The following CYP2C18 variants were observed in gnomAD, a reference collection of about 807,000 sequenced individuals.
The protein encoded by CYP2C18 is cytochrome P450 2C18.
Under a neutral mutation model 41.3 loss-of-function variants are expected in CYP2C18, and 38 were observed. The observed-to-expected ratio is 0.92, with a 90% confidence interval of 0.71 to 1.21. CYP2C18 has a LOEUF of 1.21. Ranked by LOEUF, CYP2C18 falls within the 50% of genes most tolerant of loss-of-function variation. The pLI, the probability that CYP2C18 is intolerant of heterozygous loss-of-function variation, is 0.00. For synonymous variants in CYP2C18, 236 were observed against 210.0 expected (o/e 1.12, Z -1.07); for missense variants, 635 against 591.4 (o/e 1.07, Z -0.77).
intron 4 of CYP2C18, among the ~76,000 whole-genome samples, chr10:94,695,895 A>G (rs1847107861): frequency 2.0e-5 from 3 of 152,170 alleles, no homozygotes; most frequent in Non-Finnish European, 4.4e-5. Context: ...ATAGCACAGC[A>G]GTCTGAGATC....
intron 7 of CYP2C18, among the ~76,000 whole-genome samples, chr10:94,727,393 T>C (rs1335038848): frequency 1.3e-5 from 2 of 152,220 alleles, no homozygotes; most frequent in Admixed American, 1.3e-4. Flanking sequence ...AGTGGAAGGA[T>C]CATTTGCACC....
chr10:94,698,079 GA>G (rs934185041), intron 4 of CYP2C18, among the ~76,000 whole-genome samples: 1 of 152,196 alleles, frequency 6.6e-6, no homozygotes, highest in African/African-American at 2.4e-5. Flanking sequence ...CAAGGAGACA[GA>G]AGGTTAACAA....
At chr10:94,684,009 C>T in intron 1 of CYP2C18, 22 bp downstream of exon 1, 2 of 1,557,872 alleles carry the variant, frequency 1.3e-6, no homozygotes, top group African/African-American at 1.4e-5. Context: ...TTATGTTCCT[C>T]CAGTAATGTA....
chr10:94,702,570 T>C (rs1564641514), intron 4 of CYP2C18, among the ~76,000 whole-genome samples: 1 of 151,960 alleles, frequency 6.6e-6, no homozygotes, highest in Non-Finnish European at 1.5e-5. Flanking sequence ...TTGTGCTTTG[T>C]TTTTCAACTC....
At chr10:94,693,026 G>A (rs1460398651) in intron 3 of CYP2C18, among the ~76,000 whole-genome samples, 1 of 152,044 alleles carries the variant, frequency 6.6e-6, no homozygotes. Flanking sequence ...GGTGGGGGAA[G>A]GGGGGAGGGA....
At chr10:94,722,454 G>A (rs1231789773) in intron 6 of CYP2C18, among the ~76,000 whole-genome samples, 1 of 152,090 alleles carries the variant, frequency 6.6e-6, no homozygotes. Flanking sequence ...TGTTAAAGTT[G>A]GAGTATAACC....
chr10:94,701,648 C>T (rs1182612050), intron 4 of CYP2C18, among the ~76,000 whole-genome samples: 5 of 152,072 alleles, frequency 3.3e-5, no homozygotes, highest in African/African-American at 1.2e-4. Flanking sequence ...AAATTCCTCT[C>T]CACCTCTACC....
chr10:94,692,973 T>C (rs1162267717), intron 3 of CYP2C18, among the ~76,000 whole-genome samples: 1 of 146,730 alleles, frequency 6.8e-6, no homozygotes, highest in East Asian at 2.0e-4. Context: ...TGAGAACACA[T>C]GGACACAGGA....
At chr10:94,713,606 G>A (rs1323579615) in intron 5 of CYP2C18, among the ~76,000 whole-genome samples, 1 of 152,150 alleles carries the variant, frequency 6.6e-6, no homozygotes, top group Non-Finnish European at 1.5e-5. Flanking sequence ...TTGGTTCCAA[G>A]TCTTTGTTAT....
chr10:94,694,655 G>C (rs1847078843), intron 3 of CYP2C18, among the ~76,000 whole-genome samples: 2 of 152,016 alleles, frequency 1.3e-5, no homozygotes, highest in Non-Finnish European at 2.9e-5. Flanking sequence ...CAGGCATCTT[G>C]GGTCAGAATT....
intron 5 of CYP2C18, among the ~76,000 whole-genome samples, chr10:94,713,633 A>G (rs1425498939): frequency 2.6e-5 from 4 of 152,228 alleles, no homozygotes; most frequent in Admixed American, 6.6e-5. Context: ...TAATGCCACA[A>G]TAAACATACG....
chr10:94,713,652 T>G (rs1260385144), intron 5 of CYP2C18, among the ~76,000 whole-genome samples: 1 of 152,234 alleles, frequency 6.6e-6, no homozygotes, highest in Non-Finnish European at 1.5e-5. Context: ...CGTGTGCATG[T>G]GTCTTTATGG....
At position 94,710,485 on chromosome 10, in the gene CYP2C18, C is replaced by T. The variant is rs75619235; in HGVS notation, c.819+3525C>T. Among the ~76,000 whole-genome samples, 1,310 of 152,268 alleles carry T rather than the reference C, an allele frequency of 8.6e-3. 23 individuals carry two copies. Among genetic ancestry groups the T allele is most frequent in the East Asian group, 0.061 (318 of 5,180 alleles). Reference sequence around the variant, plus strand: ...AATTTGGGAAGTAATGCCATTTTAACGATATTAAGTCTTCCAATAGATGAA... The same window carrying T: ...AATTTGGGAAGTAATGCCATTTTAATGATATTAAGTCTTCCAATAGATGAA... On this transcript the variant is annotated intron_variant, in intron 5 of 8. Coordinates refer to ENST00000285979, the MANE Select transcript of CYP2C18 (RefSeq NM_000772.3).
chr10:94,717,763 A>C (rs1037873066), intron 5 of CYP2C18, among the ~76,000 whole-genome samples: 1 of 152,064 alleles, frequency 6.6e-6, no homozygotes, highest in Admixed American at 6.6e-5. Context: ...AATCAATTGT[A>C]GTTGCATGGG....
chr10:94,722,010 T>C (rs1847654496), intron 6 of CYP2C18, among the ~76,000 whole-genome samples: 1 of 152,206 alleles, frequency 6.6e-6, no homozygotes, highest in Admixed American at 6.5e-5. Flanking sequence ...TCTTTTATTT[T>C]GGATAGATAC....
intron 4 of CYP2C18, among the ~76,000 whole-genome samples, chr10:94,696,554 ACT>A (rs1192519123): frequency 6.6e-6 from 1 of 152,066 alleles, no homozygotes; most frequent in Non-Finnish European, 1.5e-5. Context: ...AAAACTGGAA[ACT>A]CTAAAAATCA....
At chr10:94,713,694 C>G (rs1296426255) in intron 5 of CYP2C18, among the ~76,000 whole-genome samples, 4 of 152,198 alleles carry the variant, frequency 2.6e-5, no homozygotes, top group East Asian at 3.9e-4. Context: ...GGGTATATAC[C>G]CAGTAATGGG....
intron 7 of CYP2C18, among the ~76,000 whole-genome samples, chr10:94,725,997 C>T (rs894720227): frequency 2.0e-5 from 3 of 151,838 alleles, no homozygotes; most frequent in Non-Finnish European, 4.4e-5. Flanking sequence ...TCTTTTTGTG[C>T]TCACTTAGTT....
Position 94,724,443 on chromosome 10 carries a change from C to T in CYP2C18, c.1059C>T (p.His353=), listed in dbSNP as rs762346168. ...TGCCCTACACAGATGCTGTGGTGCA[C>T]GAGATCCAGAGATACATTGACCTCC... The part of the protein sequence containing the change: ...SHMPYTDAVV[H]EIQRYIDLLP... Residue 353 remains histidine, a synonymous_variant, in exon 7 of 9, where the codon CAC becomes CAT. Transcript: ENST00000285979. The T allele has an allele frequency of 2.8e-5, 45 of 1,613,424 alleles. No individual in the cohort carries two copies. The highest frequency in any genetic ancestry group is 1.6e-4 in the Middle Eastern group (1 of 6,076).
Sources: gnomAD v4.1 joint callset for allele counts (sites outside exome capture counted in the v4.1 genomes callset) on GRCh38, gnomAD v4.1.1 for gene constraint, MANE v1.5 for transcripts, NCBI Gene and HGNC (gene_info 2026-07-23, HGNC 2026-07-21) for gene names.